The following APBB1IP variants were observed in gnomAD, a reference collection of about 807,000 sequenced individuals.
APBB1IP encodes amyloid beta A4 precursor protein-binding family B member 1-interacting protein.
Under a neutral mutation model 64.9 loss-of-function variants are expected in APBB1IP, and 27 were observed. The observed-to-expected ratio is 0.42, with a 90% CI of 0.31 to 0.57. The LOEUF is 0.57. APBB1IP is among the 20% of genes least tolerant of loss of function. The pLI, the probability that APBB1IP is intolerant of heterozygous loss-of-function variation, is 0.20. For missense variants in APBB1IP, 812 were observed against 845.5 expected (o/e 0.96, Z 0.49); for synonymous variants, 392 against 331.0 (o/e 1.18, Z -2.00).
Position 26,536,304 on chromosome 10 carries a change from C to G in APBB1IP, c.1044+87C>G. 12 of 1,380,292 alleles carry G rather than the reference C, an allele frequency of 8.7e-6. No homozygotes were observed. The South Asian group carries it at 1.8e-4, about 21-fold the overall frequency. The allele number at this position is 1,380,292 out of a possible 1,614,324, so 85.5% of individuals were successfully genotyped here. On this transcript the variant is annotated intron_variant, in intron 10 of 14. Coordinates refer to ENST00000376236, the MANE Select transcript of APBB1IP (RefSeq NM_019043.4). The stretch of plus-strand genomic sequence containing the variant: ...AAATCCTTAGTTGGCAAGTTAAATA[C>G]ATTCTCTGTTGCTGCAGATTCCATA...
intron 2 of APBB1IP, among the ~76,000 whole-genome samples, chr10:26,458,638 A>G (rs1252033919): frequency 6.6e-6 from 1 of 152,200 alleles, no homozygotes; most frequent in Non-Finnish European, 1.5e-5. Context: ...GGCAGTAGTA[A>G]TAAGTTATTA....
chr10:26,543,466 CA>C (rs751555149), intron 11 of APBB1IP, among the ~76,000 whole-genome samples: 972 of 88,280 alleles, frequency 0.011, 3 homozygotes, highest in Non-Finnish European at 0.016. Context: ...GACTCTGTCT[CA>C]AAAAAAAAAA....
At chr10:26,490,708 A>G (rs1383957235) in intron 2 of APBB1IP, among the ~76,000 whole-genome samples, 1 of 152,242 alleles carries the variant, frequency 6.6e-6, no homozygotes, top group Non-Finnish European at 1.5e-5. Flanking sequence ...ATTTGCTTTA[A>G]AATATCTATT....
chr10:26,528,242 G>A (rs1319773653), intron 8 of APBB1IP, among the ~76,000 whole-genome samples: 2 of 152,146 alleles, frequency 1.3e-5, no homozygotes, highest in Admixed American at 6.5e-5. Flanking sequence ...ACCTGACAGC[G>A]AGCAGAGAAC....
chr10:26,522,030 C>A (rs1200182824), intron 8 of APBB1IP, among the ~76,000 whole-genome samples: 1 of 152,192 alleles, frequency 6.6e-6, no homozygotes, highest in Non-Finnish European at 1.5e-5. Flanking sequence ...ATATTACAGG[C>A]ATGAGCCACT....
At chr10:26,560,912 T>C (rs1228012046) in intron 13 of APBB1IP, 68 bp downstream of exon 13, 2 of 1,199,724 alleles carry the variant, frequency 1.7e-6, no homozygotes, top group African/African-American at 3.0e-5. Context: ...ATGTATCCAA[T>C]ACATCTATAC....
intron 2 of APBB1IP, among the ~76,000 whole-genome samples, chr10:26,446,372 C>A (rs953688950): frequency 1.2e-4 from 19 of 152,146 alleles, no homozygotes; most frequent in African/African-American, 3.9e-4. Context: ...AAGACTATTT[C>A]TTCATGTGTT....
chr10:26,511,633 A>G, intron 6 of APBB1IP, 114 bp from the exon 7 acceptor site: 2 of 1,288,426 alleles, frequency 1.6e-6, no homozygotes, highest in Non-Finnish European at 2.2e-6. Flanking sequence ...GAGCAAGTTC[A>G]CCAAACACAT....
Position 26,511,757 on chromosome 10 carries a change from A to C in APBB1IP, c.542A>C (p.Lys181Thr). ...TGGTTCTATCCTCAGCTCGTCGTCA[A>C]GGTGCACATGAATGATAACAGCACA... ...KEAKVKKLVV[K>T]VHMNDNSTKS... Residue 181 changes from lysine (K) to threonine (T), a missense_variant, in exon 7 of 15, where the codon AAG (lysine) becomes ACG (threonine). Lys to Thr is a moderately conservative substitution (Grantham distance 78, BLOSUM62 -1). This residue lies in a region of APBB1IP where 394 missense variants were observed against 413.1 expected (regional missense o/e 0.95). Transcript: ENST00000376236. The C allele has an allele frequency of 6.2e-7, 1 of 1,614,186 alleles. No individual in the cohort carries two copies.
chr10:26,471,987 T>G (rs543711188), intron 2 of APBB1IP, among the ~76,000 whole-genome samples: 74 of 152,244 alleles, frequency 4.9e-4, no homozygotes, highest in African/African-American at 1.8e-3. Flanking sequence ...CCGGCCTGTT[T>G]GAGCTTATTC....
intron 10 of APBB1IP, among the ~76,000 whole-genome samples, chr10:26,536,601 T>TG (rs1179459340): frequency 6.6e-6 from 1 of 151,352 alleles, no homozygotes; most frequent in African/African-American, 2.4e-5. Flanking sequence ...TTCTTTTTTT[T>TG]TTTTTCTTTT....
At chr10:26,545,686 G>A (rs896564284) in intron 11 of APBB1IP, among the ~76,000 whole-genome samples, 1 of 152,000 alleles carries the variant, frequency 6.6e-6, no homozygotes, top group African/African-American at 2.4e-5. Context: ...CGTGAACCCG[G>A]GAGGCGGAGC....
At chr10:26,518,984 TAAAG>T (rs1473720838) in intron 8 of APBB1IP, among the ~76,000 whole-genome samples, 2 of 152,162 alleles carry the variant, frequency 1.3e-5, no homozygotes, top group African/African-American at 4.8e-5. Flanking sequence ...CACACTGCTA[TAAAG>T]AAATACCTGA....
intron 8 of APBB1IP, among the ~76,000 whole-genome samples, chr10:26,529,173 G>A (rs1314949095): frequency 6.6e-6 from 1 of 152,120 alleles, no homozygotes; most frequent in Non-Finnish European, 1.5e-5. Flanking sequence ...TTTATTATTC[G>A]ACTCAGGTTT....
intron 10 of APBB1IP, among the ~76,000 whole-genome samples, chr10:26,537,322 A>C (rs891499862): frequency 6.6e-6 from 1 of 152,144 alleles, no homozygotes; most frequent in African/African-American, 2.4e-5. Context: ...TTCCAAGCCG[A>C]TGAAATTATG....
chr10:26,556,650 A>G (rs1327263144), intron 11 of APBB1IP, among the ~76,000 whole-genome samples: 2 of 152,260 alleles, frequency 1.3e-5, no homozygotes, highest in African/African-American at 4.8e-5. Context: ...GGCTAACTCT[A>G]TATAAGCAGT....
chr10:26,561,479 A>G (rs1162358543), intron 13 of APBB1IP, among the ~76,000 whole-genome samples: 2 of 147,598 alleles, frequency 1.4e-5, no homozygotes, highest in Non-Finnish European at 3.0e-5. Context: ...CAAAGCTTTG[A>G]CCACTTCTTT....
intron 10 of APBB1IP, among the ~76,000 whole-genome samples, chr10:26,539,875 C>G (rs556901457): frequency 6.6e-6 from 1 of 152,112 alleles, no homozygotes; most frequent in Admixed American, 6.6e-5. Flanking sequence ...CATTACTGAT[C>G]AGGGAAATGA....
chr10:26,534,793 CG>C (rs1564371645), intron 9 of APBB1IP, among the ~76,000 whole-genome samples: 2 of 152,104 alleles, frequency 1.3e-5, no homozygotes, highest in Non-Finnish European at 1.5e-5. Flanking sequence ...AGGAATTCAG[CG>C]ATGTTTTACA....
Sources: allele counts gnomAD v4.1 joint callset (sites outside exome capture counted in the v4.1 genomes callset), GRCh38; gene constraint gnomAD v4.1.1; regional missense constraint gnomAD v4.1.1; transcripts MANE v1.5; gene names NCBI Gene and HGNC (gene_info 2026-07-23, HGNC 2026-07-21).